The following ITGA9 variants were observed in gnomAD, a reference collection of about 807,000 sequenced individuals.
ITGA9 encodes integrin subunit alpha 9.
ITGA9 carries 56 observed loss-of-function variants against 127.8 expected under a neutral mutation model. The ratio of observed to expected loss-of-function variants is 0.44; its 90% confidence interval spans 0.35 to 0.55. The LOEUF (loss-of-function observed/expected upper bound fraction) is 0.55. Among genes scored for constraint, ITGA9 ranks in the 20% least tolerant of loss-of-function variants. ITGA9 has a pLI of 0.00. For missense variants in ITGA9, 1,196 were observed against 1,347.1 expected, an observed-to-expected ratio of 0.89 and a Z score of 1.76; for synonymous variants, 508 against 514.5, an observed-to-expected ratio of 0.99 and a Z score of 0.17.
chr3:37,511,092 A>G (rs914806868), intron 8 of ITGA9, among the ~76,000 whole-genome samples: 2 of 152,180 alleles, frequency 1.3e-5, no homozygotes, highest in Non-Finnish European at 2.9e-5. Context: ...CTAACTCAGC[A>G]AACCACCGGT....
Position 37,629,456 on chromosome 3 carries a change from ACCT to A in ITGA9, c.1839+125_1839+127del, listed in dbSNP as rs1700209424. On this transcript the variant is annotated intron_variant, in intron 16 of 27. Coordinates refer to ENST00000264741, the MANE Select transcript of ITGA9 (RefSeq NM_002207.3). This position sits in a 1 kb window ranked among gnomAD's most constrained non-coding sequence, Gnocchi z 4.5. ...GCTCAGGAGACCGCAGCCAGGACAC[ACCT>A]CCTCTCTGGGTCTCCCTTTTCTGAT... The A allele has an allele frequency of 9.7e-7, 1 of 1,035,208 alleles. No individual in the cohort carries two copies. The allele number at this position is 1,035,208 out of a possible 1,614,324, so 64.1% of individuals were successfully genotyped here.
intron 15 of ITGA9, among the ~76,000 whole-genome samples, chr3:37,588,084 A>G (rs753167495): frequency 9.2e-5 from 14 of 152,214 alleles, no homozygotes; most frequent in African/African-American, 3.1e-4. Context: ...CTTGAGTTCT[A>G]TCTGGATTCA....
chr3:37,484,823 G>C lies in ITGA9; in HGVS notation c.544+3216G>C, dbSNP rs77070680. Among the ~76,000 whole-genome samples, 1,179 of 152,300 alleles carry C rather than the reference G, an allele frequency of 7.7e-3. 13 individuals carry two copies. The highest frequency in any genetic ancestry group is 0.018 in the South Asian group (85 of 4,820). The stretch of plus-strand genomic sequence containing the variant: ...TGCCTAACCAACCTCAAGGGTCTAT[G>C]AAGAGGACTGAGTTAATGCTTCTAA... On this transcript the variant is annotated intron_variant, in intron 4 of 27. Transcript: ENST00000264741.
At chr3:37,511,964 CTTTCTTTTCTTTTCTTTTCTTTTCTTTT>C (rs1277201056) in intron 8 of ITGA9, among the ~76,000 whole-genome samples, 4,917 of 88,198 alleles carry the variant, frequency 0.056, 682 homozygotes, top group Admixed American at 0.16. Flanking sequence ...TGCTTTTTCT[CTTTCTTTTCTTTTCTTTTCTTTTCTTTT>C]CTTTTCTTTT....
In ITGA9 at chr3:37,525,929, T is replaced by C. The variant is rs1579086917; in HGVS notation, c.1328-97T>C. On this transcript the variant is annotated intron_variant, in intron 12 of 27. Transcript: ENST00000264741. ...GTGGTCGTCTGAGGGCTCTCCGGCC[T>C]CAAGGCTGGGTCTCCATCCTTGTGA... The C allele has an allele frequency of 1.0e-5, 10 of 989,898 alleles. No homozygotes were observed. In the East Asian group the frequency reaches 2.1e-4, roughly 21 times the overall value. 61.3% of individuals were successfully genotyped at this position (989,898 alleles called of 1,614,324 possible).
At chr3:37,524,417 C>T (rs1699072879) in intron 12 of ITGA9, among the ~76,000 whole-genome samples, 1 of 152,178 alleles carries the variant, frequency 6.6e-6, no homozygotes, top group Non-Finnish European at 1.5e-5. Flanking sequence ...TATGAGGACA[C>T]CACATTGTGT....
At chr3:37,753,244 G>A (rs1696611024) in intron 23 of ITGA9, among the ~76,000 whole-genome samples, 1 of 152,182 alleles carries the variant, frequency 6.6e-6, no homozygotes. Context: ...CACTGGCTCA[G>A]CAAGTACCTA....
At chr3:37,596,166 A>G (rs954000872) in intron 15 of ITGA9, among the ~76,000 whole-genome samples, 4 of 152,226 alleles carry the variant, frequency 2.6e-5, no homozygotes, top group African/African-American at 9.6e-5. Flanking sequence ...CCAGATACTC[A>G]CATGTGACAT....
chr3:37,791,779 AGAT>A (rs1038968786), intron 26 of ITGA9, among the ~76,000 whole-genome samples: 26 of 152,130 alleles, frequency 1.7e-4, no homozygotes, highest in African/African-American at 5.8e-4. Context: ...CCCTCACCAA[AGAT>A]GCAAGCCTGG....
At chr3:37,774,150 C>T (rs867957842) in intron 23 of ITGA9, among the ~76,000 whole-genome samples, 32 of 152,244 alleles carry the variant, frequency 2.1e-4, no homozygotes, top group African/African-American at 7.5e-4. Context: ...TTGTTTTCCT[C>T]ATTTGTCTTG....
intron 13 of ITGA9, among the ~76,000 whole-genome samples, chr3:37,531,138 CA>C (rs1221452792): frequency 9.4e-6 from 1 of 106,006 alleles, no homozygotes; most frequent in African/African-American, 3.5e-5. Flanking sequence ...CAGAGGCTGG[CA>C]CATTTGTAGG....
At position 37,762,908 on chromosome 3, in the gene ITGA9, C is replaced by A. The variant is rs76242760; in HGVS notation, c.2541+12339C>A. Among the ~76,000 whole-genome samples, 15 of 152,280 alleles carry A rather than the reference C, an allele frequency of 9.9e-5. No homozygotes were observed. The East Asian group carries it at 2.9e-3, about 29-fold the overall frequency. On this transcript the variant is annotated intron_variant, in intron 23 of 27. Transcript: ENST00000264741. ...CACTTCAGCAAGATCCCCAGGGATT[C>A]CTTTGTCTGTTCATATTTAAGAAGC...
At chr3:37,618,365 T>G (rs1303924446) in intron 15 of ITGA9, among the ~76,000 whole-genome samples, 1 of 152,230 alleles carries the variant, frequency 6.6e-6, no homozygotes, top group Non-Finnish European at 1.5e-5. Context: ...GGTGTCAGTC[T>G]GCCCCTACTC....
chr3:37,500,062 C>T (rs1486854411), intron 5 of ITGA9, among the ~76,000 whole-genome samples: 1 of 152,204 alleles, frequency 6.6e-6, no homozygotes, highest in Non-Finnish European at 1.5e-5. Flanking sequence ...GGAGGTTGCT[C>T]ATTAGGTTCT....
At chr3:37,553,207 A>G (rs1179556020) in intron 15 of ITGA9, among the ~76,000 whole-genome samples, 1 of 152,168 alleles carries the variant, frequency 6.6e-6, no homozygotes, top group Non-Finnish European at 1.5e-5. Flanking sequence ...TATCCCTAAC[A>G]TCAGGGATAT....
intron 17 of ITGA9, among the ~76,000 whole-genome samples, chr3:37,656,763 T>G (rs1480791994): frequency 6.6e-6 from 1 of 152,214 alleles, no homozygotes; most frequent in African/African-American, 2.4e-5. Context: ...ATCCTTGTCT[T>G]GTGCCAGTTT....
chr3:37,548,907 G>A (rs569241966), intron 15 of ITGA9, among the ~76,000 whole-genome samples: 1 of 152,352 alleles, frequency 6.6e-6, no homozygotes, highest in South Asian at 2.1e-4. Flanking sequence ...TGTTTGGTAA[G>A]GGGTGCTGGA....
chr3:37,579,830 C>T (rs977567115), intron 15 of ITGA9, among the ~76,000 whole-genome samples: 2 of 152,110 alleles, frequency 1.3e-5, no homozygotes, highest in African/African-American at 4.8e-5. Flanking sequence ...GAGTTATAGC[C>T]CATCTTTGTT....
chr3:37,727,147 G>A (rs974120027), intron 18 of ITGA9, among the ~76,000 whole-genome samples: 6 of 152,186 alleles, frequency 3.9e-5, no homozygotes, highest in East Asian at 1.9e-4. Context: ...GCTACAGCTC[G>A]CTGCGCTGGC....
Sources: gnomAD v4.1 joint callset for allele counts (sites outside exome capture counted in the v4.1 genomes callset) on GRCh38, gnomAD v4.1.1 for gene constraint, Gnocchi (gnomAD v3.1) non-coding constraint, MANE v1.5 for transcripts, NCBI Gene and HGNC (gene_info 2026-07-23, HGNC 2026-07-21) for gene names.